The following HS2ST1 variants were observed in gnomAD, a reference collection of about 807,000 sequenced individuals.
HS2ST1 encodes the protein 2-O-sulfotransferase.
Under a neutral mutation model 42.9 loss-of-function variants are expected in HS2ST1, and 18 were observed. The observed-to-expected ratio is 0.42, with a 90% CI of 0.29 to 0.62. The LOEUF (loss-of-function observed/expected upper bound fraction) is 0.62. HS2ST1 is among the 20% of genes least tolerant of loss of function. The pLI, the probability that HS2ST1 is intolerant of heterozygous loss-of-function variation, is 0.21. For synonymous variants in HS2ST1, 146 were observed against 152.9 expected (o/e 0.95, Z 0.33); for missense variants, 334 against 433.8 (o/e 0.77, Z 2.04).
chr1:86,960,199 C>A (rs1647794138), intron 1 of HS2ST1, among the ~76,000 whole-genome samples: 1 of 132,456 alleles, frequency 7.5e-6, no homozygotes, highest in Non-Finnish European at 1.6e-5. Context: ...ACTGGAATAA[C>A]AGGATATCTC....
At chr1:86,997,953 G>T (rs1169894084) in intron 1 of HS2ST1, among the ~76,000 whole-genome samples, 1 of 152,134 alleles carries the variant, frequency 6.6e-6, no homozygotes, top group African/African-American at 2.4e-5. Context: ...AAAACCATGG[G>T]TCGTGAAACT....
intron 1 of HS2ST1, among the ~76,000 whole-genome samples, chr1:87,068,390 T>G (rs1223268324): frequency 6.6e-6 from 1 of 152,184 alleles, no homozygotes; most frequent in African/African-American, 2.4e-5. Context: ...ATGCTTGTGA[T>G]TTTTGCACAT....
In HS2ST1 at chr1:87,101,149, GTTTTTTGT is replaced by G. The variant is rs1652191449; in HGVS notation, c.687-2276_687-2269del. Among the ~76,000 whole-genome samples, 17 of 59,564 alleles carry G rather than the reference GTTTTTTGT, an allele frequency of 2.9e-4. 3 individuals carry two copies. The highest frequency in any genetic ancestry group is 8.5e-4 in the African/African-American group (13 of 15,290). The allele number at this position is 59,564 out of a possible 152,430, so 39.1% of individuals were successfully genotyped here. On this transcript the variant is annotated intron_variant, in intron 5 of 6. Transcript: ENST00000370550. ...TCATCACTTTTGTGTGTGTGTGTGTGTTTTTTGTTTTTTTTTTTTTTTTTTTTTTTTTT... is the reference window on the plus strand; with the variant it reads ...TCATCACTTTTGTGTGTGTGTGTGTGTTTTTTTTTTTTTTTTTTTTTTTTT...
intron 1 of HS2ST1, among the ~76,000 whole-genome samples, chr1:86,915,580 A>G (rs1010612995): frequency 2.6e-5 from 4 of 152,164 alleles, no homozygotes; most frequent in African/African-American, 7.2e-5. Flanking sequence ...AATTTGAGCT[A>G]TGGGCATCTG....
At chr1:86,918,898 C>CT (rs1424251627) in intron 1 of HS2ST1, among the ~76,000 whole-genome samples, 13 of 145,268 alleles carry the variant, frequency 8.9e-5, no homozygotes, top group Admixed American at 1.4e-4. Flanking sequence ...GGGTGGTTTA[C>CT]TTTTTTTTTT....
At chr1:86,920,835 G>A (rs943509533) in intron 1 of HS2ST1, among the ~76,000 whole-genome samples, 2 of 152,054 alleles carry the variant, frequency 1.3e-5, no homozygotes, top group Admixed American at 1.3e-4. Context: ...GCTCCTGTTC[G>A]GTCATTTGTG....
chr1:87,049,931 A>G (rs138013968), intron 1 of HS2ST1, among the ~76,000 whole-genome samples: 31 of 152,122 alleles, frequency 2.0e-4, no homozygotes, highest in Admixed American at 2.0e-3. Context: ...CTCTCTTATA[A>G]AGGTACAAAA....
At chr1:87,087,014 T>G (rs1651832397) in intron 3 of HS2ST1, among the ~76,000 whole-genome samples, 1 of 152,076 alleles carries the variant, frequency 6.6e-6, no homozygotes, top group Admixed American at 6.6e-5. Flanking sequence ...TAAAGTTGAG[T>G]AAGTTGCAGT....
intron 1 of HS2ST1, among the ~76,000 whole-genome samples, chr1:86,984,395 C>G (rs1296657463): frequency 6.6e-6 from 1 of 152,148 alleles, no homozygotes; most frequent in African/African-American, 2.4e-5. Context: ...TTCCTCGACG[C>G]TTTCTAGCAG....
chr1:86,997,537 G>C (rs1008064391), intron 1 of HS2ST1, among the ~76,000 whole-genome samples: 2 of 152,146 alleles, frequency 1.3e-5, no homozygotes, highest in African/African-American at 4.8e-5. Context: ...ACAGTAATAG[G>C]CTAAGTTCTG....
At chr1:86,947,312 A>G (rs1313481465) in intron 1 of HS2ST1, among the ~76,000 whole-genome samples, 1 of 152,256 alleles carries the variant, frequency 6.6e-6, no homozygotes, top group African/African-American at 2.4e-5. Flanking sequence ...ATTATATTAT[A>G]TTAGACCAAT....
At chr1:87,030,512 A>G (rs890328948) in intron 1 of HS2ST1, among the ~76,000 whole-genome samples, 8 of 152,066 alleles carry the variant, frequency 5.3e-5, no homozygotes, top group South Asian at 2.1e-4. Context: ...ATTCATATAC[A>G]CAGACATGCA....
intron 2 of HS2ST1, among the ~76,000 whole-genome samples, chr1:87,081,784 G>A (rs1053069693): frequency 1.3e-5 from 2 of 151,824 alleles, no homozygotes; most frequent in Admixed American, 6.6e-5. Context: ...TCAAGAGATC[G>A]AGACCGTCCT....
At chr1:87,103,244 A>G (rs72957707) in intron 5 of HS2ST1, among the ~76,000 whole-genome samples, 188 bp from the exon 6 acceptor site, 5,551 of 152,330 alleles carry the variant, frequency 0.036, 210 homozygotes, top group African/African-American at 0.095. Context: ...ATAGTTGAGC[A>G]GAAACTGGAG....
chr1:87,069,366 C>G (rs1651342943), intron 1 of HS2ST1, among the ~76,000 whole-genome samples: 1 of 152,184 alleles, frequency 6.6e-6, no homozygotes, highest in Non-Finnish European at 1.5e-5. Context: ...AACTAGTTAA[C>G]TTTCTTCAGT....
chr1:87,104,793 T>C lies in HS2ST1; in HGVS notation c.*97T>C. ...GTCTGGATTGCTGACAGTAGGTGTATATGACAATTTGTATTGAGCCAAATT... is the reference window on the plus strand; with the variant it reads ...GTCTGGATTGCTGACAGTAGGTGTACATGACAATTTGTATTGAGCCAAATT... On this transcript the variant is annotated 3_prime_UTR_variant, in exon 7 of 7. Coordinates refer to ENST00000370550, the MANE Select transcript of HS2ST1 (RefSeq NM_012262.4). The C allele has an allele frequency of 2.8e-6, 2 of 710,528 alleles. No individual in the cohort carries two copies. Among genetic ancestry groups the C allele is most frequent in the Middle Eastern group, 2.4e-4 (1 of 4,178 alleles). 44.0% of individuals were successfully genotyped at this position (710,528 alleles called of 1,614,324 possible). A position where few individuals can be genotyped will look rare whatever the true frequency, so the allele number is the denominator to read the frequency against.
intron 1 of HS2ST1, among the ~76,000 whole-genome samples, chr1:87,015,100 G>A (rs1409294648): frequency 6.6e-6 from 1 of 152,124 alleles, no homozygotes; most frequent in Non-Finnish European, 1.5e-5. Context: ...CCAAGCTGGA[G>A]TGCAGTGGCG....
intron 1 of HS2ST1, among the ~76,000 whole-genome samples, chr1:86,975,608 A>G (rs1271485374): frequency 6.6e-6 from 1 of 152,228 alleles, no homozygotes; most frequent in African/African-American, 2.4e-5. Context: ...TTTTGTTGAT[A>G]TCAAGATGGC....
At chr1:86,924,372 C>A (rs1037283621) in intron 1 of HS2ST1, among the ~76,000 whole-genome samples, 3 of 152,174 alleles carry the variant, frequency 2.0e-5, no homozygotes, top group African/African-American at 7.2e-5. Context: ...ATTCTGAGGT[C>A]TAGAGAACAG....
Sources: allele counts gnomAD v4.1 joint callset (sites outside exome capture counted in the v4.1 genomes callset), GRCh38; gene constraint gnomAD v4.1.1; transcripts MANE v1.5; gene names NCBI Gene and HGNC (gene_info 2026-07-23, HGNC 2026-07-21).